Variants in TRPS1 observed in about 807,000 individuals in gnomAD.
TRPS1 encodes transcriptional repressor GATA binding 1.
TRPS1 carries 6 observed loss-of-function variants against 101.2 expected under a neutral mutation model. The ratio of observed to expected loss-of-function variants is 0.06; its 90% CI spans 0.03 to 0.12. The LOEUF is 0.12. TRPS1 is among the 10% of genes least tolerant of loss of function. The probability of loss-of-function intolerance (pLI) is 1.00; values close to 1 mark genes in which losing one functional copy is unlikely to be tolerated. For synonymous variants in TRPS1, 578 were observed against 589.8 expected (o/e 0.98, Z 0.29); for missense variants, 1,363 against 1,567.0 (o/e 0.87, Z 2.20).
intron 5 of TRPS1, among the ~76,000 whole-genome samples, chr8:115,431,987 C>T (rs1275885829): frequency 1.3e-5 from 2 of 151,614 alleles, no homozygotes; most frequent in Non-Finnish European, 3.0e-5. Context: ...TATGTATAGG[C>T]ATATACACAT....
At chr8:115,666,916 A>G (rs1022382641) in intron 1 of TRPS1, among the ~76,000 whole-genome samples, 2 of 150,600 alleles carry the variant, frequency 1.3e-5, no homozygotes, top group Non-Finnish European at 2.9e-5. Flanking sequence ...ATGAATCTAC[A>G]AAAGTTCAAT....
At chr8:115,433,130 C>A (rs764063343) in intron 5 of TRPS1, among the ~76,000 whole-genome samples, 1 of 151,668 alleles carries the variant, frequency 6.6e-6, no homozygotes, top group East Asian at 1.9e-4. Flanking sequence ...TAAAGAGGTA[C>A]GATTATTCAA....
intron 4 of TRPS1, among the ~76,000 whole-genome samples, chr8:115,599,697 T>A (rs1162264478): frequency 6.6e-6 from 1 of 152,200 alleles, no homozygotes; most frequent in East Asian, 1.9e-4. Flanking sequence ...TGCATAGTAT[T>A]CCGTGGTGTA....
chr8:115,425,156 C>G (rs1586260879), intron 5 of TRPS1, among the ~76,000 whole-genome samples: 2 of 152,260 alleles, frequency 1.3e-5, no homozygotes, highest in African/African-American at 4.8e-5. Context: ...AGCACTCTGC[C>G]AACAGAAAGC....
intron 5 of TRPS1, among the ~76,000 whole-genome samples, chr8:115,490,561 A>T (rs931423009): frequency 1.3e-5 from 2 of 152,170 alleles, no homozygotes; most frequent in Non-Finnish European, 2.9e-5. Context: ...GCAGCTATAA[A>T]CTTAGTACAA....
intron 5 of TRPS1, among the ~76,000 whole-genome samples, chr8:115,542,681 T>C (rs902249472): frequency 6.6e-6 from 1 of 152,144 alleles, no homozygotes; most frequent in Non-Finnish European, 1.5e-5. Flanking sequence ...GGCAAGACTC[T>C]TAACTTACTT....
At chr8:115,661,633 A>G (rs1265010049) in intron 1 of TRPS1, 1 of 152,104 alleles carries the variant, frequency 6.6e-6, no homozygotes, top group African/African-American at 2.4e-5. Context: ...TCTCTCAGGA[A>G]CCAAGATAGT....
intron 5 of TRPS1, among the ~76,000 whole-genome samples, chr8:115,527,184 CT>C (rs982247960): frequency 1.5e-4 from 22 of 150,862 alleles, no homozygotes; most frequent in Admixed American, 1.3e-4. Flanking sequence ...AGCCCTCAGC[CT>C]TTTTTTTTCA....
intron 5 of TRPS1, among the ~76,000 whole-genome samples, chr8:115,531,409 C>T (rs1055727686): frequency 1.3e-5 from 2 of 152,266 alleles, no homozygotes; most frequent in Non-Finnish European, 1.5e-5. Context: ...CCATTAACTA[C>T]GGCCCTAACC....
intron 5 of TRPS1, among the ~76,000 whole-genome samples, chr8:115,510,377 C>T (rs1018229200): frequency 6.6e-6 from 1 of 151,974 alleles, no homozygotes; most frequent in South Asian, 2.1e-4. Context: ...GTTGCAGACA[C>T]TGAACTGATT....
intron 5 of TRPS1, among the ~76,000 whole-genome samples, chr8:115,451,137 A>G (rs748338977): frequency 1.3e-5 from 2 of 152,220 alleles, no homozygotes; most frequent in South Asian, 2.1e-4. Context: ...TAAAACCTGT[A>G]TATTCATGTT....
intron 1 of TRPS1, among the ~76,000 whole-genome samples, chr8:115,635,127 G>A (rs569881797): frequency 6.6e-6 from 1 of 152,310 alleles, no homozygotes; most frequent in South Asian, 2.1e-4. Context: ...ATTTTCTGAT[G>A]ACCAGAATAC....
At chr8:115,551,800 C>G (rs1816711679) in intron 5 of TRPS1, among the ~76,000 whole-genome samples, 1 of 152,144 alleles carries the variant, frequency 6.6e-6, no homozygotes, top group African/African-American at 2.4e-5. Context: ...AAGTAAAATG[C>G]ATTTTATAAT....
chr8:115,499,685 A>C (rs564143338), intron 5 of TRPS1, among the ~76,000 whole-genome samples: 2 of 152,294 alleles, frequency 1.3e-5, no homozygotes, highest in South Asian at 4.1e-4. Context: ...TGGTCTGTCT[A>C]ATGTGTTTCC....
intron 1 of TRPS1, among the ~76,000 whole-genome samples, chr8:115,646,013 A>G (rs1309522868): frequency 6.6e-6 from 1 of 152,182 alleles, no homozygotes; most frequent in African/African-American, 2.4e-5. Context: ...AATATCCTAA[A>G]TATAATTGTT....
At chr8:115,436,644 C>T (rs564819121) in intron 5 of TRPS1, among the ~76,000 whole-genome samples, 3 of 152,250 alleles carry the variant, frequency 2.0e-5, no homozygotes, top group South Asian at 2.1e-4. Context: ...GGACTATGGG[C>T]GTGTACCACT....
chr8:115,573,537 T>C (rs1166874098), intron 5 of TRPS1, among the ~76,000 whole-genome samples: 1 of 152,152 alleles, frequency 6.6e-6, no homozygotes, highest in Non-Finnish European at 1.5e-5. Flanking sequence ...TCCCTGTTAT[T>C]ACTCATAGAG....
chr8:115,512,894 A>C (rs1327568801), intron 5 of TRPS1, among the ~76,000 whole-genome samples: 3 of 151,626 alleles, frequency 2.0e-5, no homozygotes, highest in Non-Finnish European at 4.4e-5. Flanking sequence ...AAAACATTTA[A>C]CTCCTTTTTC....
At chr8:115,606,511 GAACCCCAA>G (rs1302291977) in intron 3 of TRPS1, among the ~76,000 whole-genome samples, 1 of 152,118 alleles carries the variant, frequency 6.6e-6, no homozygotes, top group East Asian at 1.9e-4. Context: ...TCTATAACCA[GAACCCCAA>G]TCACATAGAT....
Sources: gnomAD v4.1 joint callset for allele counts (sites outside exome capture counted in the v4.1 genomes callset) on GRCh38, gnomAD v4.1.1 for gene constraint, MANE v1.5 for transcripts, NCBI Gene and HGNC (gene_info 2026-07-23, HGNC 2026-07-21) for gene names.